PCTP: variants seen among roughly 807,000 people sequenced by gnomAD.
PCTP encodes the protein START domain-containing protein 2.
A neutral mutation model predicts 31.0 loss-of-function variants in PCTP; 27 were observed. The observed-to-expected ratio is 0.87, with a 90% CI of 0.64 to 1.20. The LOEUF is 1.20. Ranked by LOEUF, PCTP falls within the 50% of genes most tolerant of loss-of-function variation. The probability of loss-of-function intolerance (pLI) is 0.00; values close to 1 mark genes in which losing one functional copy is unlikely to be tolerated. For synonymous variants in PCTP, 108 were observed against 101.2 expected (o/e 1.07, Z -0.40); for missense variants, 287 against 268.2 (o/e 1.07, Z -0.49).
chr17:55,793,882 C>G (rs12951125), intron 3 of PCTP, among the ~76,000 whole-genome samples: 21,603 of 152,064 alleles, frequency 0.14, 1,599 homozygotes, highest in Middle Eastern at 0.19. Context: ...TATCAATCAT[C>G]AAGTTATTTT....
chr17:55,826,398 C>T (rs962043940), downstream of PCTP, among the ~76,000 whole-genome samples: 2 of 151,958 alleles, frequency 1.3e-5, no homozygotes, highest in Non-Finnish European at 2.9e-5. Context: ...CTAATTTCAT[C>T]CCCTTCCCTC....
At chr17:55,833,128 G>T (rs1212925906) in intron 5 of PCTP, among the ~76,000 whole-genome samples, 2 of 152,158 alleles carry the variant, frequency 1.3e-5, no homozygotes, top group Non-Finnish European at 2.9e-5. Context: ...CAGGGGAGTT[G>T]CAGGAGCAAT....
At chr17:55,751,546 C>CGACCA in intron 1 of PCTP, 2 of 1,437,440 alleles carry the variant, frequency 1.4e-6, no homozygotes, top group Non-Finnish European at 1.8e-6. Flanking sequence ...GGTTCCTAGG[C>CGACCA]CCGTGCACAC....
chr17:55,776,898 C>T lies in PCTP; in HGVS notation c.*798C>T, dbSNP rs539781889. 2.7e-5 allele frequency: 27 copies of T among 991,258 alleles called. No homozygotes were observed. The highest frequency in any genetic ancestry group is 6.1e-5 in the Admixed American group (1 of 16,404). The allele number at this position is 991,258 out of a possible 1,614,324, so 61.4% of individuals were successfully genotyped here. A position where few individuals can be genotyped will look rare whatever the true frequency, so the allele number is the denominator to read the frequency against. On this transcript the variant is annotated 3_prime_UTR_variant, in exon 6 of 6. Transcript: ENST00000268896. ...CTTTGCATTTTACTGGAAACTGAGG[C>T]GTCAAGATGGCTGTGGCAGCTAGCA...
At chr17:55,786,250 C>T (rs1259949291) in intron 2 of PCTP, among the ~76,000 whole-genome samples, 1 of 152,190 alleles carries the variant, frequency 6.6e-6, no homozygotes, top group East Asian at 1.9e-4. Flanking sequence ...CACCACTGCA[C>T]TCCAGCCTAG....
intron 3 of PCTP, among the ~76,000 whole-genome samples, chr17:55,821,455 A>T (rs1466641067): frequency 2.0e-5 from 3 of 152,234 alleles, no homozygotes; most frequent in Non-Finnish European, 2.9e-5. Context: ...ATGGTTGTAC[A>T]ACTCTGTTAT....
intron 3 of PCTP, among the ~76,000 whole-genome samples, chr17:55,803,215 TAAACA>T (rs1299665382): frequency 6.6e-6 from 1 of 151,834 alleles, no homozygotes; most frequent in Non-Finnish European, 1.5e-5. Context: ...AGAGAGGACA[TAAACA>T]AATGGAAAAA....
intron 3 of PCTP, among the ~76,000 whole-genome samples, chr17:55,803,751 A>G (rs1411050431): frequency 6.6e-6 from 1 of 152,210 alleles, no homozygotes; most frequent in African/African-American, 2.4e-5. Flanking sequence ...CAAAACCATA[A>G]AAACCCTGGA....
intron 3 of PCTP, among the ~76,000 whole-genome samples, chr17:55,788,940 A>T (rs534702638): frequency 6.6e-6 from 1 of 152,284 alleles, no homozygotes; most frequent in South Asian, 2.1e-4. Context: ...AGAAATTGTG[A>T]CATAGTAGAA....
downstream of PCTP, among the ~76,000 whole-genome samples, chr17:55,843,565 G>A (rs113756053): frequency 3.9e-5 from 6 of 152,232 alleles, no homozygotes; most frequent in African/African-American, 9.6e-5. Context: ...CTCACTCACC[G>A]GACTGGATTT....
chr17:55,836,625 C>T (rs11654821), intron 5 of PCTP, among the ~76,000 whole-genome samples: 19,132 of 152,184 alleles, frequency 0.13, 1,372 homozygotes, highest in East Asian at 0.35. Flanking sequence ...TCTTCCCGGG[C>T]CTAGGGCTAA....
At chr17:55,784,589 C>T (rs902740689) in intron 2 of PCTP, among the ~76,000 whole-genome samples, 8 of 152,160 alleles carry the variant, frequency 5.3e-5, no homozygotes, top group Non-Finnish European at 7.4e-5. Flanking sequence ...TATTAAGAAC[C>T]AGTAAAATAA....
intron 3 of PCTP, among the ~76,000 whole-genome samples, chr17:55,791,853 A>T (rs1237034959): frequency 6.6e-6 from 1 of 152,124 alleles, no homozygotes; most frequent in Non-Finnish European, 1.5e-5. Flanking sequence ...AGACACATGC[A>T]CACATATGTT....
At chr17:55,763,259 A>G (rs188026363) in intron 1 of PCTP, among the ~76,000 whole-genome samples, 2 of 152,220 alleles carry the variant, frequency 1.3e-5, no homozygotes, top group African/African-American at 4.8e-5. Flanking sequence ...TTGCTTTTTC[A>G]TATCAAATTG....
chr17:55,830,106 C>T (rs1905546554), intron 5 of PCTP, among the ~76,000 whole-genome samples: 1 of 152,048 alleles, frequency 6.6e-6, no homozygotes. Context: ...ATATGAACCC[C>T]CTGGAAAGCT....
chr17:55,758,288 A>G (rs1910153382), intron 1 of PCTP, among the ~76,000 whole-genome samples: 1 of 152,170 alleles, frequency 6.6e-6, no homozygotes, highest in Non-Finnish European at 1.5e-5. Flanking sequence ...TTTGGTGAGG[A>G]GCAGACAGTA....
At chr17:55,836,172 G>T (rs1402221032) in intron 5 of PCTP, among the ~76,000 whole-genome samples, 1 of 152,062 alleles carries the variant, frequency 6.6e-6, no homozygotes, top group Non-Finnish European at 1.5e-5. Context: ...TGCCTTATGA[G>T]TTCAACCAAC....
chr17:55,805,982 AC>A (rs1186485435), intron 3 of PCTP, among the ~76,000 whole-genome samples: 1 of 151,818 alleles, frequency 6.6e-6, no homozygotes, highest in Non-Finnish European at 1.5e-5. Flanking sequence ...AAGAATGAAA[AC>A]ATTTTTATTC....
chr17:55,756,715 ATGTGTGTG>A (rs79186953), intron 1 of PCTP, among the ~76,000 whole-genome samples: 7 of 150,274 alleles, frequency 4.7e-5, no homozygotes, highest in African/African-American at 7.4e-5. Flanking sequence ...TGTATTATGA[ATGTGTGTG>A]TGTGTGTGTG....
Sources: allele counts gnomAD v4.1 joint callset (sites outside exome capture counted in the v4.1 genomes callset), GRCh38; gene constraint gnomAD v4.1.1; transcripts MANE v1.5; gene names NCBI Gene and HGNC (gene_info 2026-07-23, HGNC 2026-07-21).